The following KIF2C variants were observed in gnomAD, a reference collection of about 807,000 sequenced individuals.
KIF2C encodes the protein kinesin family member 2C, also known as kinesin-like protein KIF2C.
A neutral mutation model predicts 97.4 loss-of-function variants in KIF2C; 34 were observed. The observed-to-expected ratio is 0.35, with a 90% confidence interval of 0.27 to 0.46. The LOEUF (loss-of-function observed/expected upper bound fraction) is 0.46, where lower values mean the gene tolerates loss of function less well. KIF2C is among the 20% of genes least tolerant of loss of function. The pLI, the probability that KIF2C is intolerant of heterozygous loss-of-function variation, is 1.00. For missense variants in KIF2C, 750 were observed against 907.6 expected, an observed-to-expected ratio of 0.83 and a Z score of 2.23; for synonymous variants, 313 against 318.2, an observed-to-expected ratio of 0.98 and a Z score of 0.17.
intron 17 of KIF2C, 135 bp downstream of exon 17, chr1:44,762,118 G>A: frequency 1.1e-6 from 1 of 905,692 alleles, no homozygotes; most frequent in Non-Finnish European, 1.8e-6. Context: ...AGGCTTGGGA[G>A]TTCCGCCGTG....
chr1:44,749,107 G>A (rs1371152711), intron 4 of KIF2C, among the ~76,000 whole-genome samples: 2 of 152,120 alleles, frequency 1.3e-5, no homozygotes, highest in African/African-American at 4.8e-5. Context: ...AGCCAGCCTG[G>A]TCAACATGGT....
At chr1:44,741,031 A>G (rs1361321737) in intron 2 of KIF2C, 24 bp downstream of exon 2, 10 of 1,534,750 alleles carry the variant, frequency 6.5e-6, no homozygotes, top group Non-Finnish European at 9.0e-6. Context: ...GAATTCCTCT[A>G]CCACATTTAA....
rs764588909 is a variant in KIF2C at position 44,739,912 on chromosome 1, T to C, written c.-21T>C. The C allele has an allele frequency of 1.2e-6, 2 of 1,611,764 alleles. No individual in the cohort carries two copies. The highest frequency in any genetic ancestry group is 2.2e-5 in the South Asian group (2 of 91,034). ...GAGGTTTCTTGGTATTGCGCGTTTC[T>C]CTTCCTTGCTGACTCTCCGAATGGC... On this transcript the variant is annotated 5_prime_UTR_variant, in exon 1 of 21. Coordinates refer to ENST00000372224, the MANE Select transcript of KIF2C (RefSeq NM_006845.4).
intron 8 of KIF2C, 62 bp from the exon 9 acceptor site, chr1:44,755,867 A>C: frequency 6.6e-7 from 1 of 1,520,692 alleles, no homozygotes; most frequent in Non-Finnish European, 9.1e-7. Context: ...GTTCTGGACA[A>C]GCTCGCTTTT....
rs1182170687 is a variant in KIF2C, at chr1:44,739,881, G to A, written c.-52G>A. On this transcript the variant is annotated 5_prime_UTR_variant, in exon 1 of 21. Coordinates refer to ENST00000372224, the MANE Select transcript of KIF2C (RefSeq NM_006845.4). Reference sequence around the variant, plus strand: ...GGCGTTAAGACTTCGTAGGGTTAGCGAAATTGAGGTTTCTTGGTATTGCGC... The same window carrying A: ...GGCGTTAAGACTTCGTAGGGTTAGCAAAATTGAGGTTTCTTGGTATTGCGC... The A allele has an allele frequency of 6.5e-7, 1 of 1,542,902 alleles. No homozygotes were observed. The highest frequency in any genetic ancestry group is 9.0e-7 in the Non-Finnish European group (1 of 1,115,300).
intron 4 of KIF2C, chr1:44,750,199 G>A (rs1030624728): frequency 2.7e-5 from 8 of 301,038 alleles, no homozygotes; most frequent in African/African-American, 8.7e-5. Context: ...CAAGACAGCC[G>A]CTCTTTGTGG....
At chr1:44,742,843 G>C (rs990290236) in intron 2 of KIF2C, among the ~76,000 whole-genome samples, 1 of 152,120 alleles carries the variant, frequency 6.6e-6, no homozygotes, top group African/African-American at 2.4e-5. Context: ...CAATAACCTG[G>C]TTGAGGAGAC....
At chr1:44,762,229 G>A in intron 17 of KIF2C, 117 bp from the exon 18 acceptor site, 2 of 1,010,318 alleles carry the variant, frequency 2.0e-6, no homozygotes, top group Admixed American at 1.7e-5. Context: ...TTGGCTGAAG[G>A]CAAGGTTGCC....
At chr1:44,740,179 A>C in intron 1 of KIF2C, 177 bp downstream of exon 1, 1 of 751,600 alleles carries the variant, frequency 1.3e-6, no homozygotes, top group Non-Finnish European at 2.3e-6. Flanking sequence ...CAGGGGTGAG[A>C]GTCCCTGCGC....
intron 18 of KIF2C, 28 bp from the exon 19 acceptor site, chr1:44,762,517 T>C (rs778995262): frequency 3.1e-6 from 5 of 1,610,328 alleles, no homozygotes; most frequent in Non-Finnish European, 4.2e-6. Context: ...CTGGGTCACA[T>C]AATTGTCTTT....
At chr1:44,762,182 A>T in intron 17 of KIF2C, 164 bp from the exon 18 acceptor site, 2 of 851,568 alleles carry the variant, frequency 2.3e-6, no homozygotes, top group Non-Finnish European at 4.0e-6. Flanking sequence ...CAGCTGGGTG[A>T]GGGGCTTTTC....
chr1:44,741,552 G>T (rs1648936443), intron 2 of KIF2C, among the ~76,000 whole-genome samples: 2 of 151,994 alleles, frequency 1.3e-5, no homozygotes, highest in Non-Finnish European at 2.9e-5. Context: ...GGGTGTGGTG[G>T]CTCACGCCTG....
Position 44,759,230 on chromosome 1 carries a change from G to T in KIF2C, c.1249G>T (p.Ala417Ser), listed in dbSNP as rs367998163. Reference protein sequence around the residue: ...GKLFDLLNKKAKLRVLEDGKQ... With the variant: ...GKLFDLLNKKSKLRVLEDGKQ... ...GCTGTTTGACCTGCTCAACAAGAAGGCCAAGCTGCGCGTGCTGGAGGACGG... is the reference window on the plus strand; with the variant it reads ...GCTGTTTGACCTGCTCAACAAGAAGTCCAAGCTGCGCGTGCTGGAGGACGG... Residue 417 changes from alanine to serine, a missense_variant, in exon 14 of 21, where the codon GCC (alanine) becomes TCC (serine). By Grantham distance (99) the Ala-to-Ser change is moderately conservative. Coordinates refer to ENST00000372224, the MANE Select transcript of KIF2C (RefSeq NM_006845.4). 9 of 1,614,050 alleles carry T rather than the reference G, an allele frequency of 5.6e-6. No individual in the cohort carries two copies. Among genetic ancestry groups the T allele is most frequent in the Non-Finnish European group, 6.8e-6 (8 of 1,180,046 alleles).
intron 2 of KIF2C, among the ~76,000 whole-genome samples, chr1:44,743,200 T>C (rs1447165097): frequency 6.6e-6 from 1 of 152,176 alleles, no homozygotes; most frequent in African/African-American, 2.4e-5. Flanking sequence ...ACTAAGACAT[T>C]TCTGTTCTAG....
In KIF2C at chr1:44,753,114, ACT is replaced by A. The variant is rs1409272015; in HGVS notation, c.440-15_440-14del. ...GGTATACTTGCCTGCTTCTCCAGTGACTCTTGTTCCCCTACAGCTGCCCCCAC... is the reference window on the plus strand; with the variant it reads ...GGTATACTTGCCTGCTTCTCCAGTGACTTGTTCCCCTACAGCTGCCCCCAC... On this transcript the variant is annotated splice_polypyrimidine_tract_variant and intron_variant, in intron 5 of 20. Coordinates refer to ENST00000372224, the MANE Select transcript of KIF2C (RefSeq NM_006845.4). The A allele has an allele frequency of 1.3e-6, 2 of 1,599,674 alleles. No individual in the cohort carries two copies. Among genetic ancestry groups the A allele is most frequent in the Non-Finnish European group, 1.7e-6 (2 of 1,170,680 alleles).
intron 17 of KIF2C, 53 bp downstream of exon 17, chr1:44,762,036 G>A (rs1650171328): frequency 1.3e-6 from 2 of 1,521,900 alleles, no homozygotes; most frequent in Non-Finnish European, 1.8e-6. Context: ...GCAAGGGAAG[G>A]GCAGTGATGA....
At chr1:44,741,102 C>A in intron 2 of KIF2C, 95 bp downstream of exon 2, 1 of 920,674 alleles carries the variant, frequency 1.1e-6, no homozygotes, top group Non-Finnish European at 1.7e-6. Flanking sequence ...GTTTCTGATG[C>A]TGTGCTCTTC....
chr1:44,744,152 C>T (rs577893640), intron 2 of KIF2C, among the ~76,000 whole-genome samples: 36 of 151,898 alleles, frequency 2.4e-4, no homozygotes, highest in Non-Finnish European at 4.6e-4. Flanking sequence ...TGCAGTGGCA[C>T]GATCTCCCTC....
chr1:44,741,151 G>A lies in KIF2C; in HGVS notation c.165+144G>A. On this transcript the variant is annotated intron_variant, in intron 2 of 20. Coordinates refer to ENST00000372224, the MANE Select transcript of KIF2C (RefSeq NM_006845.4). ...TAATCCCAGAACTTTGGGAGGCTGA[G>A]ACGGGCAGATCACCTGATGTCAGGA... 3 of 600,620 alleles carry A rather than the reference G, an allele frequency of 5.0e-6. No homozygotes were observed. The South Asian group carries it at 6.3e-5, about 13-fold the overall frequency. The allele number at this position is 600,620 out of a possible 1,614,324, so 37.2% of individuals were successfully genotyped here. A position where few individuals can be genotyped will look rare whatever the true frequency, so the allele number is the denominator to read the frequency against.
Sources: allele counts gnomAD v4.1 joint callset (sites outside exome capture counted in the v4.1 genomes callset), GRCh38; gene constraint gnomAD v4.1.1; transcripts MANE v1.5; gene names NCBI Gene and HGNC (gene_info 2026-07-23, HGNC 2026-07-21).